KALRN: variants seen among roughly 807,000 people sequenced by gnomAD.
The protein encoded by KALRN is kalirin RhoGEF kinase.
In KALRN, 70 loss-of-function variants were observed where a neutral mutation model predicts 353.7. The observed-to-expected ratio is 0.20, with a 90% confidence interval of 0.16 to 0.24. KALRN has a LOEUF of 0.24. Among genes scored for constraint, KALRN ranks in the 10% least tolerant of loss-of-function variants. KALRN has a pLI of 1.00. For missense variants in KALRN, 2,791 were observed against 3,756.7 expected, an observed-to-expected ratio of 0.74 and a Z score of 6.72; for synonymous variants, 1,391 against 1,434.8, an observed-to-expected ratio of 0.97 and a Z score of 0.69.
chr3:124,390,190 TG>T (rs2089139350), intron 11 of KALRN, among the ~76,000 whole-genome samples: 1 of 152,240 alleles, frequency 6.6e-6, no homozygotes, highest in African/African-American at 2.4e-5. Flanking sequence ...CTGCAGAAAT[TG>T]TCATCACAGA....
At chr3:124,245,462 T>C (rs2081007048) in intron 3 of KALRN, among the ~76,000 whole-genome samples, 1 of 152,200 alleles carries the variant, frequency 6.6e-6, no homozygotes, top group Admixed American at 6.5e-5. Flanking sequence ...AGTGCAGGTA[T>C]CTTTTTGATA....
At chr3:124,237,209 G>C (rs537708966) in intron 3 of KALRN, among the ~76,000 whole-genome samples, 1 of 152,316 alleles carries the variant, frequency 6.6e-6, no homozygotes, top group East Asian at 1.9e-4. Context: ...AGGGAACAAT[G>C]AAAATTAACT....
intron 10 of KALRN, among the ~76,000 whole-genome samples, chr3:124,357,287 C>T (rs1190769137): frequency 1.3e-5 from 2 of 152,168 alleles, no homozygotes; most frequent in Non-Finnish European, 2.9e-5. Context: ...CTTCTGTTTT[C>T]CCTGACTCCA....
rs1184087980 is a variant in KALRN at position 124,720,697 on chromosome 3, G to C, written c.*1227G>C. Reference sequence around the variant, plus strand: ...CCGCTGATAGTTCTCTGAACTAAAAGGACTAATTGTACTTTGAGGCCAATG... The same window carrying C: ...CCGCTGATAGTTCTCTGAACTAAAACGACTAATTGTACTTTGAGGCCAATG... On this transcript the variant is annotated 3_prime_UTR_variant, in exon 60 of 60. Transcript: ENST00000682506. 6.6e-6 allele frequency: 1 copy of C among 152,348 alleles called. No individual in the cohort carries two copies. The highest frequency in any genetic ancestry group is 1.5e-5 in the Non-Finnish European group (1 of 68,044). The allele number at this position is 152,348 out of a possible 1,614,324, so 9.4% of individuals were successfully genotyped here.
intron 1 of KALRN, among the ~76,000 whole-genome samples, chr3:124,111,643 G>T (rs572773368): frequency 4.9e-4 from 74 of 152,284 alleles, no homozygotes; most frequent in Non-Finnish European, 4.4e-5. Context: ...TGAGACCTAC[G>T]TGCTCTGAAT....
At chr3:124,442,760 G>A (rs1192169501) in intron 19 of KALRN, among the ~76,000 whole-genome samples, 1 of 152,104 alleles carries the variant, frequency 6.6e-6, no homozygotes, top group East Asian at 1.9e-4. Context: ...TGAGATGGGA[G>A]GGTTGCTTGA....
intron 33 of KALRN, among the ~76,000 whole-genome samples, chr3:124,562,117 G>A (rs1417086364): frequency 2.6e-5 from 4 of 152,304 alleles, no homozygotes; most frequent in Middle Eastern, 3.4e-3. Flanking sequence ...GAAGTGGCCC[G>A]TCTTCCCTTC....
intron 34 of KALRN, among the ~76,000 whole-genome samples, chr3:124,600,232 C>T (rs1247194097): frequency 1.3e-5 from 2 of 152,218 alleles, no homozygotes; most frequent in Non-Finnish European, 2.9e-5. Context: ...AACTCACCAT[C>T]CTCTGTTTCC....
chr3:124,579,388 A>T (rs1008868319), intron 34 of KALRN, among the ~76,000 whole-genome samples: 70 of 152,370 alleles, frequency 4.6e-4, no homozygotes, highest in African/African-American at 1.5e-3. Context: ...ATCACTGAAG[A>T]CAAAGTCTGC....
At chr3:124,177,769 T>C (rs1397106012) in intron 1 of KALRN, among the ~76,000 whole-genome samples, 1 of 152,180 alleles carries the variant, frequency 6.6e-6, no homozygotes, top group East Asian at 1.9e-4. Context: ...GAGGGATGGT[T>C]CCTACCATGC....
chr3:124,649,763 G>C (rs1373178254), intron 37 of KALRN, among the ~76,000 whole-genome samples: 1 of 151,472 alleles, frequency 6.6e-6, no homozygotes. Flanking sequence ...ACTCCAGACT[G>C]GGCAATAGAG....
At chr3:124,674,806 T>C (rs1282250951) in intron 49 of KALRN, 192 bp downstream of exon 49, 1 of 461,396 alleles carries the variant, frequency 2.2e-6, no homozygotes. Context: ...GTGATCCAGT[T>C]TTTTAGTTGG....
chr3:124,177,527 A>T (rs1036406019), intron 1 of KALRN, among the ~76,000 whole-genome samples: 1 of 152,206 alleles, frequency 6.6e-6, no homozygotes, highest in Non-Finnish European at 1.5e-5. Flanking sequence ...GCCCTGCAGT[A>T]GTAGTTGGTG....
chr3:124,657,733 G>T lies in KALRN; in HGVS notation c.5967-1G>T. The stretch of plus-strand genomic sequence containing the variant: ...TTCTCTTATCCCCTTTCTCCTTTTA[G>T]TTTTTTCCTGGCGGAACTGGAAAAG... On this transcript the variant is annotated splice_acceptor_variant, in intron 40 of 59. Coordinates refer to ENST00000682506, the MANE Select transcript of KALRN (RefSeq NM_001388419.1). LOFTEE classifies it high-confidence loss of function. The T allele has an allele frequency of 6.2e-7, 1 of 1,611,934 alleles. No homozygotes were observed. Among genetic ancestry groups the T allele is most frequent in the Non-Finnish European group, 8.5e-7 (1 of 1,178,092 alleles).
intron 19 of KALRN, 148 bp from the exon 20 acceptor site, chr3:124,446,013 G>T: frequency 1.8e-6 from 1 of 555,694 alleles, no homozygotes; most frequent in Non-Finnish European, 3.2e-6. Context: ...TCCAGCTTTT[G>T]CTCCCTTTCT....
At chr3:124,211,000 T>G (rs946362907) in intron 1 of KALRN, among the ~76,000 whole-genome samples, 25 of 152,242 alleles carry the variant, frequency 1.6e-4, no homozygotes, top group Non-Finnish European at 2.2e-4. Context: ...ACATTTCCTC[T>G]AAGTTATTAT....
chr3:124,372,540 A>G (rs1165442454), intron 10 of KALRN, among the ~76,000 whole-genome samples: 1 of 151,890 alleles, frequency 6.6e-6, no homozygotes, highest in Non-Finnish European at 1.5e-5. Context: ...TTTTTTTGGT[A>G]ATAAAATTAG....
intron 10 of KALRN, among the ~76,000 whole-genome samples, chr3:124,372,172 C>T (rs2085932685): frequency 6.6e-6 from 1 of 152,262 alleles, no homozygotes; most frequent in Non-Finnish European, 1.5e-5. Flanking sequence ...ATATGTACCA[C>T]ATTTTCTTCA....
intron 4 of KALRN, among the ~76,000 whole-genome samples, chr3:124,268,164 T>C (rs974985718): frequency 1.3e-5 from 2 of 152,142 alleles, no homozygotes; most frequent in Non-Finnish European, 1.5e-5. Flanking sequence ...CTCCAGGAGC[T>C]TGTAGGGGCC....
Sources: gnomAD v4.1 joint callset for allele counts (sites outside exome capture counted in the v4.1 genomes callset) on GRCh38, gnomAD v4.1.1 for gene constraint, MANE v1.5 for transcripts, NCBI Gene and HGNC (gene_info 2026-07-23, HGNC 2026-07-21) for gene names.